Variants in SESTD1 observed in about 807,000 individuals in gnomAD.
The protein encoded by SESTD1 is SEC14 domain and spectrin repeat-containing protein 1.
Under a neutral mutation model 101.7 loss-of-function variants are expected in SESTD1, and 43 were observed. That is an observed-to-expected ratio of 0.42 (90% CI 0.33 to 0.55). The LOEUF (loss-of-function observed/expected upper bound fraction) is 0.55, where lower values mean the gene tolerates loss of function less well. Among genes scored for constraint, SESTD1 ranks in the 20% least tolerant of loss-of-function variants. The pLI, the probability that SESTD1 is intolerant of heterozygous loss-of-function variation, is 0.07. For synonymous variants in SESTD1, 283 were observed against 286.8 expected (o/e 0.99, Z 0.13); for missense variants, 647 against 815.1 (o/e 0.79, Z 2.51).
Position 179,103,469 on chromosome 2 carries a change from C to G in SESTD1, c.*6430G>C, listed in dbSNP as rs2044316068. On this transcript the variant is annotated 3_prime_UTR_variant, in exon 18 of 18. Transcript: ENST00000428443. ...GCAAAGAAATGAAAACCTATGTTCA[C>G]AAAGACTTACGTAAGAATGGTCATA... 1 of 152,070 alleles carries G rather than the reference C, an allele frequency of 6.6e-6. No individual in the cohort carries two copies. Among genetic ancestry groups the G allele is most frequent in the Non-Finnish European group, 1.5e-5 (1 of 68,018 alleles). 9.4% of individuals were successfully genotyped at this position (152,070 alleles called of 1,614,324 possible). A position where few individuals can be genotyped will look rare whatever the true frequency, so the allele number is the denominator to read the frequency against.
chr2:179,179,523 C>G (rs1319187739), intron 3 of SESTD1, among the ~76,000 whole-genome samples: 2 of 152,226 alleles, frequency 1.3e-5, no homozygotes, highest in Non-Finnish European at 1.5e-5. Context: ...CTCTTCCACT[C>G]ATACAGCTCT....
chr2:179,258,965 G>A (rs543990013), intron 1 of SESTD1, among the ~76,000 whole-genome samples: 1 of 152,278 alleles, frequency 6.6e-6, no homozygotes, highest in South Asian at 2.1e-4. Context: ...CATACACTTA[G>A]TATTTCAGTT....
chr2:179,230,375 A>G (rs997784546), intron 1 of SESTD1, among the ~76,000 whole-genome samples: 1 of 151,968 alleles, frequency 6.6e-6, no homozygotes, highest in African/African-American at 2.4e-5. Flanking sequence ...GGCTCAAGCC[A>G]TCTGCCCACC....
At chr2:179,121,276 T>A (rs964194311) in intron 13 of SESTD1, among the ~76,000 whole-genome samples, 1 of 152,176 alleles carries the variant, frequency 6.6e-6, no homozygotes, top group African/African-American at 2.4e-5. Flanking sequence ...TTTCAAAGAA[T>A]CTTTTGAATT....
At chr2:179,241,354 G>T (rs1308098320) in intron 1 of SESTD1, among the ~76,000 whole-genome samples, 1 of 152,054 alleles carries the variant, frequency 6.6e-6, no homozygotes, top group African/African-American at 2.4e-5. Context: ...CAAACATAAA[G>T]AAGGTGAATG....
chr2:179,107,411 A>G lies in SESTD1; in HGVS notation c.*2488T>C, dbSNP rs2044407732. ...TTGTAGGCAAGATAGCTTAAGGTAT[A>G]TAAAAATTAACTCATTTGGCAATTA... On this transcript the variant is annotated 3_prime_UTR_variant, in exon 18 of 18. Coordinates refer to ENST00000428443, the MANE Select transcript of SESTD1 (RefSeq NM_178123.5). The G allele has an allele frequency of 6.6e-6, 1 of 152,206 alleles. No homozygotes were observed. The highest frequency in any genetic ancestry group is 1.5e-5 in the Non-Finnish European group (1 of 68,026). 9.4% of individuals were successfully genotyped at this position (152,206 alleles called of 1,614,324 possible).
intron 9 of SESTD1, among the ~76,000 whole-genome samples, chr2:179,133,564 T>A (rs2045062015): frequency 6.6e-6 from 1 of 152,150 alleles, no homozygotes; most frequent in South Asian, 2.1e-4. Flanking sequence ...AAGCTTTACC[T>A]TTTGCCAAAT....
At chr2:179,128,447 A>G (rs2044929302) in intron 10 of SESTD1, among the ~76,000 whole-genome samples, 1 of 152,164 alleles carries the variant, frequency 6.6e-6, no homozygotes, top group African/African-American at 2.4e-5. Context: ...ACGGGTATGT[A>G]CGGCCGGGCA....
Position 179,182,526 on chromosome 2 carries a change from CTTTA to C in SESTD1, c.164+550_164+553del, listed in dbSNP as rs553956889. The stretch of plus-strand genomic sequence containing the variant: ...ATGGGAGAAGCAGATGGGGAGGAAG[CTTTA>C]TTTTTTTTTGTTGAAGTCATGGGTA... On this transcript the variant is annotated intron_variant, in intron 3 of 17. Coordinates refer to ENST00000428443, the MANE Select transcript of SESTD1 (RefSeq NM_178123.5). Among the ~76,000 whole-genome samples the C allele has an allele frequency of 1.1e-3, 165 of 152,036 alleles. 1 individual carries two copies. Among genetic ancestry groups the C allele is most frequent in the Middle Eastern group, 0.01 (3 of 294 alleles).
In SESTD1 at chr2:179,102,629, A is replaced by C. The variant is rs1404231520; in HGVS notation, c.*7270T>G. ...AAATTTTAATAGGAAAAATCGAATA[A>C]ACCATACATATTTTTGAAAATGAGC... On this transcript the variant is annotated 3_prime_UTR_variant, in exon 18 of 18. Transcript: ENST00000428443. The C allele has an allele frequency of 6.6e-6, 1 of 152,070 alleles. No homozygotes were observed. The highest frequency in any genetic ancestry group is 1.9e-4 in the East Asian group (1 of 5,180). The allele number at this position is 152,070 out of a possible 1,614,324, so 9.4% of individuals were successfully genotyped here. A position where few individuals can be genotyped will look rare whatever the true frequency, so the allele number is the denominator to read the frequency against.
rs1163499288 is a variant in SESTD1 at position 179,107,570 on chromosome 2, ACTAAATAT to A, written c.*2321_*2328del. ...TATTGATATTTAGTTATTGAGTATA[ACTAAATAT>A]CTAAAGTAGTTAGTATCTAAGAATC... is the stretch of plus-strand genomic sequence containing the variant. On this transcript the variant is annotated 3_prime_UTR_variant, in exon 18 of 18. Coordinates refer to ENST00000428443, the MANE Select transcript of SESTD1 (RefSeq NM_178123.5). 2.6e-5 allele frequency: 4 copies of A among 152,166 alleles called. No homozygotes were observed. The highest frequency in any genetic ancestry group is 1.5e-5 in the Non-Finnish European group (1 of 68,008). 9.4% of individuals were successfully genotyped at this position (152,166 alleles called of 1,614,324 possible). A position where few individuals can be genotyped will look rare whatever the true frequency, so the allele number is the denominator to read the frequency against.
At position 179,146,506 on chromosome 2, in the gene SESTD1, G is replaced by C. The variant is rs2045398931; in HGVS notation, c.582-49C>G. 3 of 1,499,098 alleles carry C rather than the reference G, an allele frequency of 2.0e-6. No homozygotes were observed. The East Asian group carries it at 6.8e-5, about 34-fold the overall frequency. The allele number at this position is 1,499,098 out of a possible 1,614,324, so 92.9% of individuals were successfully genotyped here. A position where few individuals can be genotyped will look rare whatever the true frequency, so the allele number is the denominator to read the frequency against. On this transcript the variant is annotated intron_variant, in intron 7 of 17. Transcript: ENST00000428443. The stretch of plus-strand genomic sequence containing the variant: ...TTTCAAAAGGCATATTTCTATCAAT[G>C]TAACTTTAAAAATTCCTTTACATAT...
At chr2:179,222,751 T>G (rs2046832076) in intron 1 of SESTD1, among the ~76,000 whole-genome samples, 1 of 152,138 alleles carries the variant, frequency 6.6e-6, no homozygotes, top group Non-Finnish European at 1.5e-5. Context: ...AACCTTTCCA[T>G]GTTGTAGATA....
At chr2:179,243,669 A>G (rs2047186598) in intron 1 of SESTD1, among the ~76,000 whole-genome samples, 1 of 151,714 alleles carries the variant, frequency 6.6e-6, no homozygotes, top group Non-Finnish European at 1.5e-5. Context: ...AGAAAACCAA[A>G]TACCGCATGT....
intron 7 of SESTD1, among the ~76,000 whole-genome samples, chr2:179,147,959 G>C (rs2045432027): frequency 6.6e-6 from 1 of 152,152 alleles, no homozygotes; most frequent in Admixed American, 6.5e-5. Context: ...ATATGTGTGT[G>C]ATATCTACAG....
intron 12 of SESTD1, 120 bp from the exon 13 acceptor site, chr2:179,122,049 A>ACC: frequency 1.1e-6 from 1 of 873,480 alleles, no homozygotes; most frequent in Non-Finnish European, 1.6e-6. Flanking sequence ...TGTACAGTAA[A>ACC]CCACCTTGGG....
chr2:179,229,163 T>C (rs943069639), intron 1 of SESTD1, among the ~76,000 whole-genome samples: 1 of 152,198 alleles, frequency 6.6e-6, no homozygotes, highest in Non-Finnish European at 1.5e-5. Context: ...AAATATCTGG[T>C]TAAACATTAT....
chr2:179,219,755 T>C (rs761164368), intron 1 of SESTD1, among the ~76,000 whole-genome samples: 1 of 152,214 alleles, frequency 6.6e-6, no homozygotes, highest in Non-Finnish European at 1.5e-5. Flanking sequence ...TGATTACTAA[T>C]CTGGTTTTGC....
chr2:179,104,917 G>C lies in SESTD1; in HGVS notation c.*4982C>G, dbSNP rs2044346849. On this transcript the variant is annotated 3_prime_UTR_variant, in exon 18 of 18. Transcript: ENST00000428443. Reference sequence around the variant, plus strand: ...GCTTTTTCTTGAAGTAGAGGGACTAGTGTTTATTCTCAAGCTTTCATGTTT... The same window carrying C: ...GCTTTTTCTTGAAGTAGAGGGACTACTGTTTATTCTCAAGCTTTCATGTTT... 1 of 152,100 alleles carries C rather than the reference G, an allele frequency of 6.6e-6. No individual in the cohort carries two copies. The highest frequency in any genetic ancestry group is 1.5e-5 in the Non-Finnish European group (1 of 68,002). The allele number at this position is 152,100 out of a possible 1,614,324, so 9.4% of individuals were successfully genotyped here. A position where few individuals can be genotyped will look rare whatever the true frequency, so the allele number is the denominator to read the frequency against.
Sources: allele counts gnomAD v4.1 joint callset (sites outside exome capture counted in the v4.1 genomes callset), GRCh38; gene constraint gnomAD v4.1.1; transcripts MANE v1.5; gene names NCBI Gene and HGNC (gene_info 2026-07-23, HGNC 2026-07-21).